The following TBC1D4 variants were observed in gnomAD, a reference collection of about 807,000 sequenced individuals.
TBC1D4 encodes TBC1 domain family member 4, also known as TBC (Tre-2, BUB2, CDC16) domain-containing protein.
In TBC1D4, 121 loss-of-function variants were observed where a neutral mutation model predicts 142.5. That is an observed-to-expected ratio of 0.85 (90% CI 0.73 to 0.99). The LOEUF (loss-of-function observed/expected upper bound fraction) is 0.99, where lower values mean the gene tolerates loss of function less well. Ranked by LOEUF, TBC1D4 falls within the 50% of genes least tolerant of loss-of-function variation. The pLI is 0.00. For missense variants in TBC1D4, 1,475 were observed against 1,606.6 expected (o/e 0.92, Z 1.40); for synonymous variants, 630 against 628.2 (o/e 1.00, Z -0.04).
intron 1 of TBC1D4, among the ~76,000 whole-genome samples, chr13:75,441,361 C>G (rs1230431233): frequency 1.3e-5 from 2 of 152,020 alleles, no homozygotes; most frequent in Non-Finnish European, 2.9e-5. Context: ...ATGTAAGCAG[C>G]TTTCTACTTT....
intron 1 of TBC1D4, among the ~76,000 whole-genome samples, chr13:75,414,023 G>A (rs1222728280): frequency 1.3e-5 from 2 of 152,180 alleles, no homozygotes; most frequent in Non-Finnish European, 2.9e-5. Flanking sequence ...TGTGATGCTT[G>A]TGTTTGGAGT....
chr13:75,368,814 T>G (rs1883068025), intron 1 of TBC1D4, among the ~76,000 whole-genome samples: 1 of 151,740 alleles, frequency 6.6e-6, no homozygotes, highest in Non-Finnish European at 1.5e-5. Flanking sequence ...TGAGGCGAGG[T>G]AGGTGGATCA....
At position 75,341,210 on chromosome 13, in the gene TBC1D4, T is replaced by C. The variant is rs1329135964; in HGVS notation, c.1526A>G (p.Glu509Gly). Residue 509 changes from glutamate (E) to glycine (G), a missense_variant, in exon 7 of 21, where the codon GAA becomes GGA. By Grantham distance (98) the Glu-to-Gly change is moderately conservative. Around this residue, in one of 2 missense-constraint regions of TBC1D4, gnomAD observed 1,227 missense variants for 1,267.7 expected, o/e 0.97. Coordinates refer to ENST00000377636, the MANE Select transcript of TBC1D4 (RefSeq NM_014832.5). ...VQKMKPVSDQ[E>G]ENELVILHLR... ...GTGTAAAATCACAAGTTCATTTTCTTCCTGGTCACTGACTGGCTTCATTTT... is the reference window on the plus strand; with the variant it reads ...GTGTAAAATCACAAGTTCATTTTCTCCCTGGTCACTGACTGGCTTCATTTT... 1 of 1,613,704 alleles carries C rather than the reference T, an allele frequency of 6.2e-7. No homozygotes were observed. The highest frequency in any genetic ancestry group is 1.3e-5 in the African/African-American group (1 of 74,816).
At chr13:75,431,950 T>C (rs1229794709) in intron 1 of TBC1D4, among the ~76,000 whole-genome samples, 3 of 152,116 alleles carry the variant, frequency 2.0e-5, no homozygotes, top group Non-Finnish European at 4.4e-5. Context: ...AGAATGGACA[T>C]TTTAGAAGAA....
At chr13:75,334,272 CG>C (rs1880011265) in intron 8 of TBC1D4, among the ~76,000 whole-genome samples, 1 of 151,986 alleles carries the variant, frequency 6.6e-6, no homozygotes, top group Non-Finnish European at 1.5e-5. Flanking sequence ...CTTTATGACA[CG>C]TCACCATTTT....
chr13:75,404,421 AT>A (rs1230899353), intron 1 of TBC1D4, among the ~76,000 whole-genome samples: 1 of 152,172 alleles, frequency 6.6e-6, no homozygotes, highest in East Asian at 1.9e-4. Flanking sequence ...ACATTTAGTC[AT>A]ATGTCTCCCT....
In TBC1D4 at chr13:75,302,412, G is replaced by A; in HGVS notation, c.2753-11C>T. ...GACTTTTGGGAACTCCTACAATGAA[G>A]GAGATAAATAACCAAGGCCTTGAAC... On this transcript the variant is annotated splice_polypyrimidine_tract_variant and intron_variant, in intron 15 of 20. Coordinates refer to ENST00000377636, the MANE Select transcript of TBC1D4 (RefSeq NM_014832.5). 6.2e-7 allele frequency: 1 copy of A among 1,613,996 alleles called. No homozygotes were observed. Among genetic ancestry groups the A allele is most frequent in the Middle Eastern group, 1.7e-4 (1 of 6,060 alleles).
intron 1 of TBC1D4, among the ~76,000 whole-genome samples, chr13:75,418,959 A>C (rs551600521): frequency 6.6e-6 from 1 of 152,286 alleles, no homozygotes; most frequent in East Asian, 1.9e-4. Context: ...AAGGGACCAA[A>C]AACCACATGT....
intron 8 of TBC1D4, among the ~76,000 whole-genome samples, chr13:75,328,247 T>A (rs998908244): frequency 1.6e-4 from 24 of 152,210 alleles, no homozygotes; most frequent in Non-Finnish European, 5.9e-5. Context: ...AGGATTATAA[T>A]AAACATCAGT....
intron 5 of TBC1D4, among the ~76,000 whole-genome samples, chr13:75,345,431 G>A (rs1413629814): frequency 3.3e-5 from 5 of 152,060 alleles, no homozygotes; most frequent in African/African-American, 1.2e-4. Context: ...CAGGGACTTA[G>A]GAAAACAACC....
chr13:75,460,276 A>G (rs1887912237), intron 1 of TBC1D4, among the ~76,000 whole-genome samples: 1 of 152,250 alleles, frequency 6.6e-6, no homozygotes, highest in African/African-American at 2.4e-5. Flanking sequence ...ACAAATCAAC[A>G]ATAAAAATAC....
rs1475997520 is a variant in TBC1D4, at chr13:75,286,996, T to C, written c.3693A>G (p.Glu1231=). 6.2e-7 allele frequency: 1 copy of C among 1,613,450 alleles called. No homozygotes were observed. The highest frequency in any genetic ancestry group is 8.5e-7 in the Non-Finnish European group (1 of 1,179,946). The change falls in exon 21 of 21, where the codon GAA becomes GAG. Residue 1231 remains glutamate, a synonymous_variant. Transcript: ENST00000377636. The part of the protein sequence containing the change: ...QVAHTKIQAL[E]SNLENLLTRE... Reference sequence around the variant, plus strand: ...TCGTCAAAAGATTTTCCAGGTTTGATTCCAAGGCCTGGATTTTAGTATGAG... The same window carrying C: ...TCGTCAAAAGATTTTCCAGGTTTGACTCCAAGGCCTGGATTTTAGTATGAG...
Position 75,480,871 on chromosome 13 carries a change from A to ACG in TBC1D4, c.498+397_498+398dup, listed in dbSNP as rs1422665832. Among the ~76,000 whole-genome samples, 168 of 109,460 alleles carry ACG rather than the reference A, an allele frequency of 1.5e-3. No individual in the cohort carries two copies. The South Asian group carries it at 0.017, about 11-fold the overall frequency. The allele number at this position is 109,460 out of a possible 152,430, so 71.8% of individuals were successfully genotyped here. On this transcript the variant is annotated intron_variant, in intron 1 of 20. Coordinates refer to ENST00000377636, the MANE Select transcript of TBC1D4 (RefSeq NM_014832.5). ...CGTTCATACACGCGCTCGCGCGCACACGCACGCACACACACACACACACAC... is the reference window on the plus strand; with the variant it reads ...CGTTCATACACGCGCTCGCGCGCACACGCGCACGCACACACACACACACACAC...
At chr13:75,365,784 T>G (rs909441400) in intron 1 of TBC1D4, among the ~76,000 whole-genome samples, 12 of 152,080 alleles carry the variant, frequency 7.9e-5, no homozygotes, top group Admixed American at 3.3e-4. Flanking sequence ...TTACTAGAAT[T>G]CCTCCCTGTG....
chr13:75,283,963 T>TGGCTCACTGCA lies in TBC1D4; in HGVS notation c.*2818_*2828dup, dbSNP rs1424358410. On this transcript the variant is annotated 3_prime_UTR_variant, in exon 21 of 21. Transcript: ENST00000377636. ...CCCAGGCTAGAGTGCAGTGGCATGA[T>TGGCTCACTGCA]GGCTCACTGCAAGCTCACTGCAAGC... is the stretch of plus-strand genomic sequence containing the variant. Among the ~76,000 whole-genome samples the TGGCTCACTGCA allele has an allele frequency of 6.6e-6, 1 of 152,130 alleles. No homozygotes were observed. Among genetic ancestry groups the TGGCTCACTGCA allele is most frequent in the Admixed American group, 6.6e-5 (1 of 15,266 alleles).
At chr13:75,466,654 C>T (rs1454725988) in intron 1 of TBC1D4, among the ~76,000 whole-genome samples, 1 of 151,932 alleles carries the variant, frequency 6.6e-6, no homozygotes, top group African/African-American at 2.4e-5. Context: ...GGGCAGATCA[C>T]GAGGTCAGCA....
intron 1 of TBC1D4, among the ~76,000 whole-genome samples, chr13:75,458,260 CG>C (rs768063912): frequency 4.6e-5 from 7 of 152,072 alleles, no homozygotes; most frequent in Non-Finnish European, 8.8e-5. Flanking sequence ...CCCTGGAGTT[CG>C]GCTGTCCCCT....
chr13:75,306,557 CA>C, intron 14 of TBC1D4, 86 bp from the exon 15 acceptor site: 1 of 1,521,160 alleles, frequency 6.6e-7, no homozygotes, highest in Non-Finnish European at 9.0e-7. Flanking sequence ...AAAACCATAC[CA>C]AATGACTTTC....
At chr13:75,291,226 T>C (rs1186600081) in intron 19 of TBC1D4, among the ~76,000 whole-genome samples, 3 of 152,068 alleles carry the variant, frequency 2.0e-5, no homozygotes, top group East Asian at 1.9e-4. Flanking sequence ...CTTTGGCAAA[T>C]AGAAGATGCC....
Sources: allele counts gnomAD v4.1 joint callset (sites outside exome capture counted in the v4.1 genomes callset), GRCh38; gene constraint gnomAD v4.1.1; regional missense constraint gnomAD v4.1.1; transcripts MANE v1.5; gene names NCBI Gene and HGNC (gene_info 2026-07-23, HGNC 2026-07-21).